DPH6: variants seen among roughly 807,000 people sequenced by gnomAD.
DPH6 encodes diphthamine biosynthesis 6.
In DPH6, 33 loss-of-function variants were observed where a neutral mutation model predicts 38.2. The ratio of observed to expected loss-of-function variants is 0.86; its 90% CI spans 0.65 to 1.15. The LOEUF (loss-of-function observed/expected upper bound fraction) is 1.15, where lower values mean the gene tolerates loss of function less well. DPH6 is among the 50% of genes most tolerant of loss of function. The pLI is 0.00. For missense variants in DPH6, 325 were observed against 320.0 expected, an observed-to-expected ratio of 1.02 and a Z score of -0.12; for synonymous variants, 108 against 103.0, an observed-to-expected ratio of 1.05 and a Z score of -0.30.
chr15:35,327,633 AAGGTTCTTTAAACAAT>A (rs1199412881), downstream of DPH6, among the ~76,000 whole-genome samples: 4 of 152,046 alleles, frequency 2.6e-5, no homozygotes, highest in African/African-American at 9.7e-5. Flanking sequence ...GCCTCTAGAA[AAGGTTCTTTAAACAAT>A]AGCAAGTGAG....
chr15:35,194,369 C>CAGAGACG, the DPH6 span, among the ~76,000 whole-genome samples: 9 of 144,650 alleles, frequency 6.2e-5, no homozygotes, highest in Admixed American at 3.4e-4. Flanking sequence ...TTCCTTTTTC[C>CAGAGACG]AGAGAGAGAG....
chr15:35,250,568 C>T (rs755052075), intron 3 of DPH6, among the ~76,000 whole-genome samples: 1 of 152,000 alleles, frequency 6.6e-6, no homozygotes, highest in South Asian at 2.1e-4. Flanking sequence ...ACTAATATTG[C>T]TGAATATTTT....
At chr15:35,365,231 G>C (rs936340495) in intron 3 of DPH6, among the ~76,000 whole-genome samples, 1 of 151,910 alleles carries the variant, frequency 6.6e-6, no homozygotes, top group African/African-American at 2.4e-5. Flanking sequence ...CCAAATCCAT[G>C]GTCAGTGAGG....
intron 6 of DPH6, among the ~76,000 whole-genome samples, chr15:35,383,036 C>G (rs183883462): frequency 5.4e-4 from 82 of 152,256 alleles, no homozygotes; most frequent in African/African-American, 1.9e-3. Context: ...TTTCTAACAA[C>G]TTTCCACCAA....
the DPH6 span, among the ~76,000 whole-genome samples, chr15:35,148,931 A>T: frequency 1.3e-5 from 2 of 152,162 alleles, no homozygotes; most frequent in African/African-American, 4.8e-5. Flanking sequence ...TATCATTCTT[A>T]TGCTTCATTA....
chr15:35,321,296 G>A (rs1266141715), intron 3 of DPH6, among the ~76,000 whole-genome samples: 1 of 152,206 alleles, frequency 6.6e-6, no homozygotes, highest in Non-Finnish European at 1.5e-5. Flanking sequence ...AGCTTGTAAG[G>A]CTAGAAGCAA....
intron 3 of DPH6, among the ~76,000 whole-genome samples, chr15:35,290,813 T>A (rs1468494748): frequency 6.6e-6 from 1 of 152,170 alleles, no homozygotes; most frequent in African/African-American, 2.4e-5. Flanking sequence ...TGATACTTTT[T>A]TTTTTTGTCA....
At chr15:35,422,416 A>G (rs1427378657) in intron 5 of DPH6, among the ~76,000 whole-genome samples, 2 of 151,982 alleles carry the variant, frequency 1.3e-5, no homozygotes, top group African/African-American at 4.8e-5. Context: ...TTCTTTCCCC[A>G]TTAGCTTTAT....
chr15:35,514,841 T>C (rs1437563870), intron 3 of DPH6, among the ~76,000 whole-genome samples: 1 of 152,174 alleles, frequency 6.6e-6, no homozygotes, highest in Admixed American at 6.5e-5. Context: ...AGAGCAATAC[T>C]GAGCCTTCAA....
chr15:35,523,330 T>C (rs1171048349), intron 3 of DPH6, among the ~76,000 whole-genome samples: 4 of 150,818 alleles, frequency 2.7e-5, no homozygotes, highest in East Asian at 1.9e-4. Context: ...TTTGGAGACA[T>C]GCTTTTTATA....
At chr15:35,453,678 T>A (rs2053963430) in intron 4 of DPH6, among the ~76,000 whole-genome samples, 1 of 152,104 alleles carries the variant, frequency 6.6e-6, no homozygotes, top group African/African-American at 2.4e-5. Context: ...AAATGTAAGA[T>A]CATATTTCTC....
At chr15:35,296,473 C>T (rs1339621259) in intron 3 of DPH6, among the ~76,000 whole-genome samples, 9 of 152,158 alleles carry the variant, frequency 5.9e-5, no homozygotes, top group Admixed American at 3.3e-4. Flanking sequence ...AATATGCTCA[C>T]GTCCTTCTTT....
intron 3 of DPH6, among the ~76,000 whole-genome samples, chr15:35,359,288 T>G (rs960779605): frequency 6.6e-6 from 1 of 151,910 alleles, no homozygotes; most frequent in African/African-American, 2.4e-5. Context: ...GGCTTGAAAA[T>G]CTACTGCAGG....
intron 3 of DPH6, chr15:35,237,957 A>T: frequency 7.0e-7 from 1 of 1,423,592 alleles, no homozygotes; most frequent in Non-Finnish European, 9.9e-7. Context: ...AAAGGTTATA[A>T]CGATGGAGAG....
At chr15:35,259,186 T>C (rs1482541740) in intron 3 of DPH6, among the ~76,000 whole-genome samples, 2 of 151,738 alleles carry the variant, frequency 1.3e-5, no homozygotes, top group African/African-American at 4.8e-5. Flanking sequence ...GATCATCCCT[T>C]CCTTGCTTTC....
At chr15:35,434,607 C>T (rs2053673058) in intron 5 of DPH6, among the ~76,000 whole-genome samples, 1 of 152,132 alleles carries the variant, frequency 6.6e-6, no homozygotes. Flanking sequence ...CACGCACACA[C>T]ACATAGAAAA....
At chr15:35,339,478 C>G (rs769315471) in intron 3 of DPH6, among the ~76,000 whole-genome samples, 7 of 152,058 alleles carry the variant, frequency 4.6e-5, no homozygotes, top group Non-Finnish European at 1.0e-4. Context: ...GCATGTGCCA[C>G]CACACCTGGC....
intron 3 of DPH6, among the ~76,000 whole-genome samples, chr15:35,338,145 C>A (rs1292141815): frequency 6.6e-6 from 1 of 152,094 alleles, no homozygotes; most frequent in Non-Finnish European, 1.5e-5. Flanking sequence ...TCTAAAACAC[C>A]AAAAGCAATG....
intron 3 of DPH6, among the ~76,000 whole-genome samples, chr15:35,360,026 C>T (rs947060925): frequency 1.4e-4 from 22 of 152,078 alleles, no homozygotes; most frequent in African/African-American, 4.8e-4. Context: ...ATTTCTTTAG[C>T]GCTGGTTATT....
Sources: gnomAD v4.1 joint callset for allele counts (sites outside exome capture counted in the v4.1 genomes callset) on GRCh38, gnomAD v4.1.1 for gene constraint, MANE v1.5 for transcripts, NCBI Gene and HGNC (gene_info 2026-07-23, HGNC 2026-07-21) for gene names.